Variants in PTPRT observed in about 807,000 individuals in gnomAD.
The protein encoded by PTPRT is receptor-type tyrosine-protein phosphatase T.
PTPRT carries 56 observed loss-of-function variants against 176.8 expected under a neutral mutation model. The ratio of observed to expected loss-of-function variants is 0.32; its 90% CI spans 0.26 to 0.40. The LOEUF (loss-of-function observed/expected upper bound fraction) is 0.40. PTPRT is among the 10% of genes least tolerant of loss of function. PTPRT has a pLI of 1.00. For synonymous variants in PTPRT, 783 were observed against 739.0 expected, an observed-to-expected ratio of 1.06 and a Z score of -0.96; for missense variants, 1,540 against 1,908.2, an observed-to-expected ratio of 0.81 and a Z score of 3.60.
At chr20:42,411,814 A>ACTGGGGAAAAATCCC (rs1264623197) in intron 9 of PTPRT, among the ~76,000 whole-genome samples, 1 of 150,172 alleles carries the variant, frequency 6.7e-6, no homozygotes, top group African/African-American at 2.5e-5. Flanking sequence ...CCATATGAAA[A>ACTGGGGAAAAATCCC]CAGTTTCACT....
intron 9 of PTPRT, among the ~76,000 whole-genome samples, chr20:42,413,485 A>G (rs1482128531): frequency 6.6e-6 from 1 of 152,170 alleles, no homozygotes; most frequent in Non-Finnish European, 1.5e-5. Flanking sequence ...AGGTAGGCTT[A>G]AAAACCCCCA....
chr20:42,042,341 A>G, the PTPRT span, among the ~76,000 whole-genome samples: 1 of 152,242 alleles, frequency 6.6e-6, no homozygotes, highest in Non-Finnish European at 1.5e-5. Context: ...ACCATGCAGC[A>G]AAACACCTAA....
At chr20:42,208,058 G>A (rs1441911366) in intron 15 of PTPRT, among the ~76,000 whole-genome samples, 9 of 125,504 alleles carry the variant, frequency 7.2e-5, no homozygotes, top group Admixed American at 8.3e-5. Context: ...CATAAGTGAA[G>A]GAGAAATAAA....
At chr20:42,672,290 T>C (rs1256614558) in intron 7 of PTPRT, among the ~76,000 whole-genome samples, 1 of 152,176 alleles carries the variant, frequency 6.6e-6, no homozygotes, top group Admixed American at 6.5e-5. Context: ...ACTGGCTTAG[T>C]CTACTGGCCT....
intron 17 of PTPRT, among the ~76,000 whole-genome samples, chr20:42,161,035 G>A (rs1989573595): frequency 6.6e-6 from 1 of 152,164 alleles, no homozygotes; most frequent in Non-Finnish European, 1.5e-5. Context: ...ACTCCAAAGT[G>A]CAGAAACGTT....
intron 16 of PTPRT, among the ~76,000 whole-genome samples, chr20:42,171,895 C>T (rs985307458): frequency 2.6e-5 from 4 of 152,064 alleles, no homozygotes; most frequent in Non-Finnish European, 4.4e-5. Context: ...AACAAAACTG[C>T]CTCCACTAAA....
At chr20:43,111,520 G>GAT (rs2012865287) in intron 1 of PTPRT, among the ~76,000 whole-genome samples, 1 of 148,344 alleles carries the variant, frequency 6.7e-6, no homozygotes. Context: ...CTCTAGCCTG[G>GAT]GGGACAGAGC....
At chr20:42,884,069 A>T (rs985309573) in intron 2 of PTPRT, among the ~76,000 whole-genome samples, 1 of 152,106 alleles carries the variant, frequency 6.6e-6, no homozygotes, top group African/African-American at 2.4e-5. Flanking sequence ...GCTATGTTTA[A>T]GCAGAGGTGT....
intron 1 of PTPRT, among the ~76,000 whole-genome samples, chr20:43,080,425 A>G (rs2011408711): frequency 6.6e-6 from 1 of 152,240 alleles, no homozygotes; most frequent in South Asian, 2.1e-4. Context: ...AATGTAGCAA[A>G]AGCTGACTGA....
At position 42,073,631 on chromosome 20, in the gene PTPRT, C is replaced by CAAAGT. The variant is rs1982505509; in HGVS notation, c.*7247_*7248insACTTT. On this transcript the variant is annotated 3_prime_UTR_variant, in exon 31 of 31. Coordinates refer to ENST00000373187, the MANE Select transcript of PTPRT (RefSeq NM_007050.6). ...CATGGGTATTGGGTCTATGGCAAAG[C>CAAAGT]AGCTGTTCCCTATGGTTTGCTGTTT... is the stretch of plus-strand genomic sequence containing the variant. The CAAAGT allele has an allele frequency of 4.4e-6, 1 of 225,326 alleles. No individual in the cohort carries two copies. The highest frequency in any genetic ancestry group is 5.7e-5 in the Admixed American group (1 of 17,466). 14.0% of individuals were successfully genotyped at this position (225,326 alleles called of 1,614,324 possible).
chr20:42,354,614 T>C (rs1465847054), intron 9 of PTPRT, among the ~76,000 whole-genome samples: 1 of 152,202 alleles, frequency 6.6e-6, no homozygotes, highest in Non-Finnish European at 1.5e-5. Context: ...GGTGCCCAAC[T>C]GAATTCAAGT....
At chr20:42,278,653 G>C (rs2057088668) in intron 13 of PTPRT, among the ~76,000 whole-genome samples, 2 of 152,116 alleles carry the variant, frequency 1.3e-5, no homozygotes, top group South Asian at 4.2e-4. Flanking sequence ...TTCTAGAATT[G>C]AACAACTAGG....
chr20:42,287,156 C>T (rs1342308397), intron 12 of PTPRT, among the ~76,000 whole-genome samples: 3 of 151,856 alleles, frequency 2.0e-5, no homozygotes, highest in African/African-American at 7.3e-5. Flanking sequence ...CTAGTTCAGC[C>T]ACTATGGAGA....
At chr20:42,353,081 T>C (rs759743948) in intron 9 of PTPRT, among the ~76,000 whole-genome samples, 2 of 152,358 alleles carry the variant, frequency 1.3e-5, no homozygotes, top group Middle Eastern at 3.4e-3. Context: ...CTTACAAATA[T>C]GTCTTTTACC....
chr20:42,389,101 G>C (rs940393139), intron 9 of PTPRT, among the ~76,000 whole-genome samples: 3 of 137,032 alleles, frequency 2.2e-5, no homozygotes, highest in Non-Finnish European at 4.7e-5. Context: ...ACAGGAAGGG[G>C]AACATCACAC....
chr20:42,395,390 C>T (rs1004572281), intron 9 of PTPRT, among the ~76,000 whole-genome samples: 2 of 152,162 alleles, frequency 1.3e-5, no homozygotes, highest in African/African-American at 4.8e-5. Context: ...GTGAGTGAGA[C>T]CCCCTGTGCT....
At chr20:42,094,400 C>A (rs1984973726) in intron 27 of PTPRT, among the ~76,000 whole-genome samples, 1 of 152,128 alleles carries the variant, frequency 6.6e-6, no homozygotes, top group Admixed American at 6.5e-5. Flanking sequence ...ATTGCTCAGG[C>A]CCCAATCATT....
At chr20:42,469,832 T>C (rs2071163508) in intron 8 of PTPRT, among the ~76,000 whole-genome samples, 1 of 151,970 alleles carries the variant, frequency 6.6e-6, no homozygotes, top group Non-Finnish European at 1.5e-5. Flanking sequence ...GGATGGGACA[T>C]GGTGGAAGTG....
chr20:42,783,572 G>A (rs531002825), intron 3 of PTPRT, among the ~76,000 whole-genome samples: 29 of 152,230 alleles, frequency 1.9e-4, no homozygotes, highest in African/African-American at 6.5e-4. Flanking sequence ...TGCTTCTGAC[G>A]TGAGACTCCT....
Sources: gnomAD v4.1 joint callset for allele counts (sites outside exome capture counted in the v4.1 genomes callset) on GRCh38, gnomAD v4.1.1 for gene constraint, MANE v1.5 for transcripts, NCBI Gene and HGNC (gene_info 2026-07-23, HGNC 2026-07-21) for gene names.